AIG1: variants seen among roughly 807,000 people sequenced by gnomAD.
The protein encoded by AIG1 is androgen-induced gene 1 protein.
AIG1 carries 23 observed loss-of-function variants against 31.4 expected under a neutral mutation model. The observed-to-expected ratio is 0.73, with a 90% CI of 0.53 to 1.04. AIG1 has a LOEUF of 1.04. Ranked by LOEUF, AIG1 falls within the 50% of genes least tolerant of loss-of-function variation. The probability of loss-of-function intolerance (pLI) is 0.00; values close to 1 mark genes in which losing one functional copy is unlikely to be tolerated. For synonymous variants in AIG1, 100 were observed against 110.5 expected (o/e 0.90, Z 0.60); for missense variants, 274 against 295.0 (o/e 0.93, Z 0.52).
intron 3 of AIG1, among the ~76,000 whole-genome samples, chr6:143,180,966 A>T (rs1562464949): frequency 1.3e-5 from 2 of 152,188 alleles, no homozygotes; most frequent in East Asian, 3.8e-4. Context: ...ATTAAATGCC[A>T]CTTGGATGAT....
At chr6:143,157,629 G>C (rs1028634306) in intron 2 of AIG1, among the ~76,000 whole-genome samples, 2 of 151,788 alleles carry the variant, frequency 1.3e-5, no homozygotes, top group Non-Finnish European at 2.9e-5. Context: ...TTCACCAAAG[G>C]CAATTTTTCC....
Position 143,136,998 on chromosome 6 carries a change from T to C in AIG1, c.297+8T>C, listed in dbSNP as rs758904744. 8.6e-6 allele frequency: 12 copies of C among 1,387,676 alleles called. No individual in the cohort carries two copies. In the South Asian group the frequency reaches 2.1e-4, roughly 25 times the overall value. The allele number at this position is 1,387,676 out of a possible 1,614,324, so 86.0% of individuals were successfully genotyped here. A position where few individuals can be genotyped will look rare whatever the true frequency, so the allele number is the denominator to read the frequency against. ...GCCTTTCCTGTTGGGGTTGTGAGTA[T>C]GATGGAGGATGCATTTAGCCACAAA... On this transcript the variant is annotated splice_region_variant and intron_variant, in intron 2 of 5. Coordinates refer to ENST00000357847, the MANE Select transcript of AIG1 (RefSeq NM_016108.4).
Position 143,258,564 on chromosome 6 carries a change from A to AT in AIG1, c.400-25542dup, listed in dbSNP as rs1795525061. On this transcript the variant is annotated intron_variant, in intron 3 of 5. Coordinates refer to ENST00000357847, the MANE Select transcript of AIG1 (RefSeq NM_016108.4). The surrounding 1 kb of genome is among the most constrained non-coding windows in gnomAD (Gnocchi z 4.7). ...GCAGCCTCTGCCAGCTAATGGAGGT[A>AT]TTTTATGGGCTTTATTGGCAGAGAG... 6.6e-6 allele frequency among the ~76,000 whole-genome samples: 1 copy of AT among 152,202 alleles called. No individual in the cohort carries two copies. The highest frequency in any genetic ancestry group is 1.5e-5 in the Non-Finnish European group (1 of 68,024).
intron 1 of AIG1, among the ~76,000 whole-genome samples, chr6:143,096,049 G>C (rs572821596): frequency 6.9e-4 from 105 of 151,978 alleles, no homozygotes; most frequent in Middle Eastern, 3.4e-3. Context: ...TGGGACTACA[G>C]GCGTGTGCCA....
At chr6:143,322,266 G>C (rs148035656) in intron 4 of AIG1, among the ~76,000 whole-genome samples, 3 of 152,220 alleles carry the variant, frequency 2.0e-5, no homozygotes, top group South Asian at 4.2e-4. Flanking sequence ...TGGAGGGAGG[G>C]ATATAAGCGA....
intron 1 of AIG1, among the ~76,000 whole-genome samples, chr6:143,088,136 C>T (rs1414629510): frequency 6.6e-6 from 1 of 152,160 alleles, no homozygotes; most frequent in African/African-American, 2.4e-5. Context: ...TGGGGTCTGC[C>T]TTATGCATTC....
At chr6:143,271,139 T>G (rs1418032283) in intron 3 of AIG1, among the ~76,000 whole-genome samples, 1 of 152,206 alleles carries the variant, frequency 6.6e-6, no homozygotes, top group Non-Finnish European at 1.5e-5. Flanking sequence ...TTTGCAGATG[T>G]CAGTGCAGAG....
chr6:143,316,293 C>G (rs141923835), intron 4 of AIG1, among the ~76,000 whole-genome samples: 46 of 152,208 alleles, frequency 3.0e-4, no homozygotes, highest in African/African-American at 1.0e-3. Flanking sequence ...TACCACAGCA[C>G]AGTACCAAGA....
chr6:143,141,031 A>G (rs970249642), intron 2 of AIG1, among the ~76,000 whole-genome samples: 1 of 152,092 alleles, frequency 6.6e-6, no homozygotes, highest in Non-Finnish European at 1.5e-5. Context: ...CTGCCTTTCT[A>G]CTTTTTGTCA....
At chr6:143,061,108 CTGTGTGTGCGTGTGTGTG>C in intron 1 of AIG1, 42 bp downstream of exon 1, 1 of 1,583,322 alleles carries the variant, frequency 6.3e-7, no homozygotes, top group Non-Finnish European at 8.6e-7. Flanking sequence ...CACCCCGTGC[CTGTGTGTGCGTGTGTGTG>C]TGTGTGTGTG....
At chr6:143,265,873 C>T (rs149081926) in intron 3 of AIG1, among the ~76,000 whole-genome samples, 14 of 152,310 alleles carry the variant, frequency 9.2e-5, no homozygotes, top group African/African-American at 3.4e-4. Context: ...TAACTGAAAA[C>T]GCTGTGTGCA....
chr6:143,128,551 T>G (rs951600906), intron 1 of AIG1, among the ~76,000 whole-genome samples: 53 of 152,232 alleles, frequency 3.5e-4, no homozygotes, highest in African/African-American at 1.2e-3. Flanking sequence ...ATGTGTGTCA[T>G]GCTGAGTTGA....
chr6:143,335,246 G>A (rs1777387047), intron 5 of AIG1: 2 of 868,988 alleles, frequency 2.3e-6, no homozygotes, highest in African/African-American at 1.8e-5. Flanking sequence ...AAAATTGGGT[G>A]ATTTTGGCTG....
At chr6:143,125,376 C>T (rs1276245444) in intron 1 of AIG1, among the ~76,000 whole-genome samples, 3 of 152,098 alleles carry the variant, frequency 2.0e-5, no homozygotes, top group Non-Finnish European at 2.9e-5. Context: ...CATAGTGTGC[C>T]TTTCTGCATT....
intron 4 of AIG1, among the ~76,000 whole-genome samples, chr6:143,288,000 G>C (rs926999382): frequency 7.2e-5 from 11 of 151,876 alleles, no homozygotes; most frequent in African/African-American, 2.7e-4. Flanking sequence ...AATCTTACAG[G>C]GGTGCTGGGT....
chr6:143,157,494 G>A (rs150384540), intron 2 of AIG1, among the ~76,000 whole-genome samples: 127 of 65,802 alleles, frequency 1.9e-3, no homozygotes, highest in Non-Finnish European at 3.6e-3. Context: ...TTCCTTTCTT[G>A]TGTGCTCAGC....
At position 143,142,683 on chromosome 6, in the gene AIG1, T is replaced by G. The variant is rs539126359; in HGVS notation, c.297+5693T>G. Among the ~76,000 whole-genome samples, 8 of 152,330 alleles carry G rather than the reference T, an allele frequency of 5.3e-5. No individual in the cohort carries two copies. In the East Asian group the frequency reaches 1.5e-3, roughly 29 times the overall value. On this transcript the variant is annotated intron_variant, in intron 2 of 5. Coordinates refer to ENST00000357847, the MANE Select transcript of AIG1 (RefSeq NM_016108.4). ...GAAATTTGACCTTCTTATCTGAGTT[T>G]AGACTCAAAGCTGTTTGTTAAGTAA...
chr6:143,187,531 C>T (rs1159420746), intron 3 of AIG1: 4 of 1,534,744 alleles, frequency 2.6e-6, no homozygotes, highest in East Asian at 2.4e-5. Context: ...CTGTTTTTCA[C>T]ACTGGGTAGG....
At chr6:143,148,561 C>T (rs1457150978) in intron 2 of AIG1, among the ~76,000 whole-genome samples, 1 of 151,930 alleles carries the variant, frequency 6.6e-6, no homozygotes, top group Non-Finnish European at 1.5e-5. Flanking sequence ...TGTGGTGGCT[C>T]ATGCTTGTAA....
Sources: gnomAD v4.1 joint callset for allele counts (sites outside exome capture counted in the v4.1 genomes callset) on GRCh38, gnomAD v4.1.1 for gene constraint, Gnocchi (gnomAD v3.1) non-coding constraint, MANE v1.5 for transcripts, NCBI Gene and HGNC (gene_info 2026-07-23, HGNC 2026-07-21) for gene names.